SLC9C1: variants seen among roughly 807,000 people sequenced by gnomAD.
SLC9C1 encodes solute carrier family 9 member C1, also known as sodium/hydrogen exchanger 10.
In SLC9C1, 97 loss-of-function variants were observed where a neutral mutation model predicts 140.9. The ratio of observed to expected loss-of-function variants is 0.69; its 90% confidence interval spans 0.58 to 0.82. The LOEUF is 0.82. Among genes scored for constraint, SLC9C1 ranks in the 40% least tolerant of loss-of-function variants. SLC9C1 has a pLI of 0.00. For synonymous variants in SLC9C1, 440 were observed against 442.6 expected (o/e 0.99, Z 0.07); for missense variants, 1,340 against 1,389.3 (o/e 0.96, Z 0.56).
intron 1 of SLC9C1, among the ~76,000 whole-genome samples, chr3:112,287,781 C>T (rs1049398780): frequency 6.6e-6 from 1 of 152,172 alleles, no homozygotes; most frequent in African/African-American, 2.4e-5. Flanking sequence ...GGCACGGTGG[C>T]TCACGCCTGT....
At position 112,173,472 on chromosome 3, in the gene SLC9C1, C is replaced by CT. The variant is rs148436683; in HGVS notation, c.2920-4145dup. On this transcript the variant is annotated intron_variant, in intron 23 of 28. Coordinates refer to ENST00000305815, the MANE Select transcript of SLC9C1 (RefSeq NM_183061.3). ...AGTAGGCTCTGGTGTATCTTGCTCC[C>CT]TTTTTTGTGTCCATATGTACTTGAT... Among the ~76,000 whole-genome samples the CT allele has an allele frequency of 6.6e-3, 1,001 of 152,256 alleles. 11 individuals carry two copies. The highest frequency in any genetic ancestry group is 0.022 in the African/African-American group (918 of 41,538).
In SLC9C1 at chr3:112,173,726, A is replaced by C. The variant is rs1021962784; in HGVS notation, c.2920-4398T>G. 2.6e-5 allele frequency among the ~76,000 whole-genome samples: 4 copies of C among 152,230 alleles called. No homozygotes were observed. In the South Asian group the frequency reaches 8.3e-4, roughly 31 times the overall value. Reference sequence around the variant, plus strand: ...ATTCCATGTCTTTGCTGTTGTGAATAGTGCTGCAAAGAACATACACATACA... The same window carrying C: ...ATTCCATGTCTTTGCTGTTGTGAATCGTGCTGCAAAGAACATACACATACA... On this transcript the variant is annotated intron_variant, in intron 23 of 28. Transcript: ENST00000305815.
intron 26 of SLC9C1, among the ~76,000 whole-genome samples, chr3:112,163,541 T>C (rs1305942166): frequency 6.6e-6 from 1 of 152,138 alleles, no homozygotes; most frequent in Non-Finnish European, 1.5e-5. Flanking sequence ...CCAGTAGTCA[T>C]TCAGGAGCAG....
chr3:112,265,517 G>A (rs942905283), intron 8 of SLC9C1, among the ~76,000 whole-genome samples: 7 of 151,928 alleles, frequency 4.6e-5, no homozygotes, highest in Non-Finnish European at 8.8e-5. Context: ...CTTCTATAAC[G>A]TTGTCCCAAA....
intron 13 of SLC9C1, among the ~76,000 whole-genome samples, chr3:112,228,869 A>G (rs1446766364): frequency 6.6e-6 from 1 of 152,106 alleles, no homozygotes; most frequent in Non-Finnish European, 1.5e-5. Context: ...ATGTTTATAT[A>G]TGGGGAATGT....
intron 12 of SLC9C1, among the ~76,000 whole-genome samples, chr3:112,237,216 G>A (rs2079013048): frequency 6.6e-6 from 1 of 152,174 alleles, no homozygotes; most frequent in Admixed American, 6.5e-5. Context: ...TTACCATTAT[G>A]TAATGGCCTT....
At chr3:112,157,702 AGT>A (rs2075167109) in intron 26 of SLC9C1, among the ~76,000 whole-genome samples, 1 of 151,436 alleles carries the variant, frequency 6.6e-6, no homozygotes, top group South Asian at 2.1e-4. Flanking sequence ...TTCTTTCAAC[AGT>A]GTTTTATAGT....
chr3:112,176,864 A>G (rs2077346765), intron 23 of SLC9C1, among the ~76,000 whole-genome samples: 1 of 152,140 alleles, frequency 6.6e-6, no homozygotes, highest in Non-Finnish European at 1.5e-5. Flanking sequence ...AATAAGAGCA[A>G]GCCTTCTTCT....
intron 10 of SLC9C1, among the ~76,000 whole-genome samples, chr3:112,244,524 C>A (rs1488530423): frequency 6.6e-6 from 1 of 152,190 alleles, no homozygotes; most frequent in Admixed American, 6.5e-5. Context: ...GAAAGGAGAA[C>A]AACTCAAGGC....
intron 10 of SLC9C1, among the ~76,000 whole-genome samples, chr3:112,247,220 G>T (rs961958725): frequency 5.3e-5 from 8 of 152,014 alleles, no homozygotes; most frequent in African/African-American, 1.9e-4. Context: ...TTACATTCTG[G>T]CATTTGCAAA....
intron 15 of SLC9C1, among the ~76,000 whole-genome samples, chr3:112,210,678 A>G (rs1483345482): frequency 6.6e-6 from 1 of 152,206 alleles, no homozygotes; most frequent in Non-Finnish European, 1.5e-5. Context: ...AGAGAATACT[A>G]TTCCTATCCT....
chr3:112,157,270 G>C (rs141408302), intron 26 of SLC9C1, among the ~76,000 whole-genome samples: 2 of 152,034 alleles, frequency 1.3e-5, no homozygotes, highest in East Asian at 3.9e-4. Flanking sequence ...AATTATTAAA[G>C]AGACTGTCCT....
chr3:112,172,274 TAG>T (rs1010913733), intron 23 of SLC9C1, among the ~76,000 whole-genome samples: 8 of 152,148 alleles, frequency 5.3e-5, no homozygotes. Context: ...GTTTTCATTG[TAG>T]AGTTATTCCA....
chr3:112,231,122 G>GTC (rs71134809), intron 13 of SLC9C1, among the ~76,000 whole-genome samples: 9 of 102,584 alleles, frequency 8.8e-5, no homozygotes, highest in African/African-American at 1.3e-4. Flanking sequence ...TCTGTCTTTC[G>GTC]TCTCTCTCTC....
chr3:112,268,269 C>T (rs73853382), intron 7 of SLC9C1, among the ~76,000 whole-genome samples: 24,110 of 151,988 alleles, frequency 0.16, 1,993 homozygotes, highest in South Asian at 0.2. Context: ...CTGTAACCCT[C>T]GGTATATTAT....
intron 23 of SLC9C1, among the ~76,000 whole-genome samples, chr3:112,170,934 C>A (rs1405537127): frequency 6.6e-6 from 1 of 152,214 alleles, no homozygotes; most frequent in Non-Finnish European, 1.5e-5. Context: ...AAAATTTCAG[C>A]TGGGCGTGGT....
At chr3:112,148,378 G>A (rs2074864742) in intron 28 of SLC9C1, among the ~76,000 whole-genome samples, 1 of 152,090 alleles carries the variant, frequency 6.6e-6, no homozygotes, top group African/African-American at 2.4e-5. Context: ...TTCTCATCTG[G>A]AGACACTGGC....
At chr3:112,268,526 A>T (rs1019516296) in intron 7 of SLC9C1, among the ~76,000 whole-genome samples, 9 of 152,228 alleles carry the variant, frequency 5.9e-5, no homozygotes, top group African/African-American at 2.2e-4. Flanking sequence ...ATACAAAAAG[A>T]ATCAAATTTT....
intron 10 of SLC9C1, among the ~76,000 whole-genome samples, chr3:112,256,544 C>G (rs1047420883): frequency 6.6e-6 from 1 of 152,118 alleles, no homozygotes; most frequent in Admixed American, 6.6e-5. Flanking sequence ...TCTCAATCTA[C>G]TAGGTATCGA....
Sources: gnomAD v4.1 joint callset for allele counts (sites outside exome capture counted in the v4.1 genomes callset) on GRCh38, gnomAD v4.1.1 for gene constraint, MANE v1.5 for transcripts, NCBI Gene and HGNC (gene_info 2026-07-23, HGNC 2026-07-21) for gene names.